PDE4D: variants seen among roughly 807,000 people sequenced by gnomAD.
PDE4D encodes 3',5'-cyclic-AMP phosphodiesterase 4D.
PDE4D carries 24 observed loss-of-function variants against 87.4 expected under a neutral mutation model. The observed-to-expected ratio is 0.27, with a 90% CI of 0.20 to 0.39. The LOEUF (loss-of-function observed/expected upper bound fraction) is 0.39. Among genes scored for constraint, PDE4D ranks in the 10% least tolerant of loss-of-function variants. PDE4D has a pLI of 1.00. For synonymous variants in PDE4D, 384 were observed against 383.2 expected (o/e 1.00, Z -0.02); for missense variants, 714 against 1,041.0 (o/e 0.69, Z 4.32).
intron 1 of PDE4D, among the ~76,000 whole-genome samples, chr5:59,851,721 G>T (rs568757698): frequency 6.6e-6 from 1 of 152,122 alleles, no homozygotes; most frequent in South Asian, 2.1e-4. Context: ...CCAAGCAGTA[G>T]GAAGATTCTT....
chr5:59,332,240 G>A (rs567404871), intron 1 of PDE4D, among the ~76,000 whole-genome samples: 1 of 151,930 alleles, frequency 6.6e-6, no homozygotes, highest in African/African-American at 2.4e-5. Flanking sequence ...GTTTTTTTTG[G>A]TTATTTTTCT....
intron 1 of PDE4D, among the ~76,000 whole-genome samples, chr5:59,553,513 G>A (rs1269409585): frequency 6.6e-6 from 1 of 152,144 alleles, no homozygotes; most frequent in African/African-American, 2.4e-5. Context: ...TTTAATAGGT[G>A]TTCCATGAAA....
At chr5:60,307,384 A>C (rs7735958) in intron 1 of PDE4D, among the ~76,000 whole-genome samples, 41,758 of 152,022 alleles carry the variant, frequency 0.27, 7,044 homozygotes, top group African/African-American at 0.47. Flanking sequence ...CAAAGACACC[A>C]AAATATGTCT....
rs187506533 is a variant in PDE4D, at chr5:59,198,700, C to T, written c.648-5164G>A. ...TTTTTTTTTCTCACAAGAGAAATGA[C>T]AGTAGAGTCAGGAACTTCTATTCTC... On this transcript the variant is annotated intron_variant, in intron 2 of 14. Coordinates refer to ENST00000340635, the MANE Select transcript of PDE4D (RefSeq NM_001104631.2). 3.9e-4 allele frequency among the ~76,000 whole-genome samples: 60 copies of T among 152,252 alleles called. No homozygotes were observed. The East Asian group carries it at 0.011, about 28-fold the overall frequency.
intron 5 of PDE4D, among the ~76,000 whole-genome samples, chr5:59,171,255 C>T (rs556975210): frequency 6.6e-6 from 1 of 152,286 alleles, no homozygotes; most frequent in Middle Eastern, 3.4e-3. Flanking sequence ...AATCCTATCT[C>T]TGAAGAGTTG....
chr5:59,354,662 G>T (rs1180233360), intron 1 of PDE4D, among the ~76,000 whole-genome samples: 1 of 152,190 alleles, frequency 6.6e-6, no homozygotes, highest in African/African-American at 2.4e-5. Context: ...GGGACCTGCA[G>T]AAATGCAAGA....
chr5:59,276,248 G>C (rs1004071623), intron 1 of PDE4D: 10 of 444,882 alleles, frequency 2.2e-5, no homozygotes, highest in African/African-American at 1.7e-4. Flanking sequence ...AAGCAGACAA[G>C]AGACCTCACA....
intron 1 of PDE4D, among the ~76,000 whole-genome samples, chr5:60,334,210 T>C (rs1757551123): frequency 6.6e-6 from 1 of 152,196 alleles, no homozygotes; most frequent in African/African-American, 2.4e-5. Flanking sequence ...AAACAAGTCC[T>C]GTATACATCA....
chr5:59,757,664 G>A (rs3898713), intron 1 of PDE4D, among the ~76,000 whole-genome samples: 2 of 151,948 alleles, frequency 1.3e-5, no homozygotes, highest in Non-Finnish European at 1.5e-5. Flanking sequence ...TGAACTAGCC[G>A]GCCATCATTC....
intron 1 of PDE4D, among the ~76,000 whole-genome samples, chr5:60,439,932 A>C (rs7732592): frequency 1.3e-3 from 112 of 87,164 alleles, no homozygotes; most frequent in African/African-American, 7.3e-3. Context: ...AAAAAACAAA[A>C]AAAAAAAACC....
chr5:59,000,871 C>G (rs745751079), intron 6 of PDE4D, among the ~76,000 whole-genome samples: 24 of 151,726 alleles, frequency 1.6e-4, no homozygotes, highest in Non-Finnish European at 2.8e-4. Flanking sequence ...GTATTTTTAG[C>G]AGAGACGGGA....
intron 5 of PDE4D, among the ~76,000 whole-genome samples, chr5:59,163,462 G>A (rs1283322479): frequency 1.3e-5 from 2 of 151,944 alleles, no homozygotes; most frequent in Non-Finnish European, 2.9e-5. Context: ...ATAGAGACGG[G>A]GTTTCTCCAT....
intron 1 of PDE4D, among the ~76,000 whole-genome samples, chr5:59,312,669 A>G (rs1173324270): frequency 6.6e-6 from 1 of 152,212 alleles, no homozygotes; most frequent in African/African-American, 2.4e-5. Context: ...TGCTCCAGAC[A>G]TTAGGAAAAT....
intron 1 of PDE4D, among the ~76,000 whole-genome samples, chr5:60,379,127 C>T (rs759592362): frequency 5.3e-5 from 8 of 151,362 alleles, no homozygotes; most frequent in Non-Finnish European, 1.2e-4. Context: ...GCAATGCTCC[C>T]TATTGGCACT....
At chr5:59,932,408 T>C in intron 3 of PDE4D, among the ~76,000 whole-genome samples, 1 of 152,248 alleles carries the variant, frequency 6.6e-6, no homozygotes, top group South Asian at 2.1e-4. Context: ...TCTTGTTTAC[T>C]AATTTCATAT....
At position 59,726,493 on chromosome 5, in the gene PDE4D, C is replaced by T. The variant is rs1756609065; in HGVS notation, c.455+166675G>A. ...GACACCAGAGAGCTTGCTCTTTCTC[C>T]ACCATGTCAGAAGGCACTGACTGCA... On this transcript the variant is annotated intron_variant, in intron 1 of 14. Coordinates refer to ENST00000340635, the MANE Select transcript of PDE4D (RefSeq NM_001104631.2). 2.0e-5 allele frequency among the ~76,000 whole-genome samples: 3 copies of T among 152,028 alleles called. No individual in the cohort carries two copies. In the South Asian group the frequency reaches 6.2e-4, roughly 32 times the overall value.
chr5:59,751,779 G>C (rs1226051055), intron 1 of PDE4D, among the ~76,000 whole-genome samples: 1 of 151,984 alleles, frequency 6.6e-6, no homozygotes, highest in Non-Finnish European at 1.5e-5. Flanking sequence ...AACACCTCCT[G>C]TCACTTCCCC....
At chr5:59,609,415 T>A (rs1460018452) in intron 1 of PDE4D, among the ~76,000 whole-genome samples, 1 of 126,846 alleles carries the variant, frequency 7.9e-6, no homozygotes, top group Non-Finnish European at 1.8e-5. Flanking sequence ...TATATGTAGT[T>A]AATCTGAATA....
In PDE4D at chr5:60,049,331, G is replaced by A. The variant is rs535682670; in HGVS notation, c.43-60614C>T. Among the ~76,000 whole-genome samples, 14 of 152,116 alleles carry A rather than the reference G, an allele frequency of 9.2e-5. No individual in the cohort carries two copies. The East Asian group carries it at 1.2e-3, about 13-fold the overall frequency. ...TTTGAATGTCCTCCAGTACCTCAGC[G>A]TAATTTGATTGTCTGAAGCCTTCTT... On this transcript the variant is annotated intron_variant, in intron 2 of 16. Transcript: ENST00000502484.
Sources: gnomAD v4.1 joint callset for allele counts (sites outside exome capture counted in the v4.1 genomes callset) on GRCh38, gnomAD v4.1.1 for gene constraint, MANE v1.5 for transcripts, NCBI Gene and HGNC (gene_info 2026-07-23, HGNC 2026-07-21) for gene names.